RARB: variants seen among roughly 807,000 people sequenced by gnomAD.
The protein encoded by RARB is retinoic acid receptor beta.
RARB carries 17 observed loss-of-function variants against 51.9 expected under a neutral mutation model. That is an observed-to-expected ratio of 0.33 (90% CI 0.22 to 0.49). The LOEUF (loss-of-function observed/expected upper bound fraction) is 0.49. Ranked by LOEUF, RARB falls within the 20% of genes least tolerant of loss-of-function variation. RARB has a pLI of 0.99. For synonymous variants in RARB, 215 were observed against 195.4 expected (o/e 1.10, Z -0.84); for missense variants, 369 against 550.8 (o/e 0.67, Z 3.30).
At chr3:25,236,901 A>G (rs1702314130) in intron 5 of RARB, among the ~76,000 whole-genome samples, 1 of 140,128 alleles carries the variant, frequency 7.1e-6, no homozygotes, top group Non-Finnish European at 1.6e-5. Context: ...TATAATATTT[A>G]TTTTAAACCC....
intron 5 of RARB, among the ~76,000 whole-genome samples, chr3:25,370,974 G>A (rs1706281191): frequency 6.6e-6 from 1 of 152,054 alleles, no homozygotes. Context: ...TCTTCACATG[G>A]CCCTCTTATC....
intron 1 of RARB, among the ~76,000 whole-genome samples, chr3:25,453,257 T>C (rs950104966): frequency 1.3e-5 from 2 of 148,344 alleles, no homozygotes; most frequent in Admixed American, 6.7e-5. Flanking sequence ...TTTTTTTTTT[T>C]TTTTTTTTTG....
At chr3:25,500,246 T>C (rs1697226968) in intron 2 of RARB, among the ~76,000 whole-genome samples, 1 of 152,182 alleles carries the variant, frequency 6.6e-6, no homozygotes. Context: ...CTCATGTGAC[T>C]AATAGCTACC....
chr3:25,345,852 A>G, intron 5 of RARB: 1 of 901,192 alleles, frequency 1.1e-6, no homozygotes, highest in Middle Eastern at 5.7e-4. Context: ...CACCTCCAAA[A>G]TTCATTTCTT....
At chr3:25,026,968 A>G (rs1604004) in intron 2 of RARB, among the ~76,000 whole-genome samples, 102,521 of 151,692 alleles carry the variant, frequency 0.68, 34,933 homozygotes, top group East Asian at 0.87. Flanking sequence ...CATATCATTT[A>G]TTGTAAGTTT....
intron 5 of RARB, among the ~76,000 whole-genome samples, chr3:25,584,268 C>G (rs781465036): frequency 6.6e-6 from 1 of 152,106 alleles, no homozygotes; most frequent in Non-Finnish European, 1.5e-5. Context: ...AGCTAAAACC[C>G]CAGCCCTCAT....
chr3:25,350,968 A>T (rs1260876691), intron 5 of RARB, among the ~76,000 whole-genome samples: 1 of 152,208 alleles, frequency 6.6e-6, no homozygotes, highest in East Asian at 1.9e-4. Flanking sequence ...TAGAGCCTCC[A>T]GTTCCTTTAT....
rs373847882 is a variant in RARB at position 24,832,094 on chromosome 3, G to A, written c.-459+2691G>A. On this transcript the variant is annotated intron_variant, in intron 1 of 11. Coordinates refer to the RARB transcript ENST00000383772. The stretch of plus-strand genomic sequence containing the variant: ...TTGTTTTAACCTTAGGGACATTTGT[G>A]AAAACTTCTTTACTCATATGATAAA... Among the ~76,000 whole-genome samples the A allele has an allele frequency of 2.0e-4, 30 of 152,170 alleles. No homozygotes were observed. In the South Asian group the frequency reaches 6.2e-3, roughly 32 times the overall value.
At chr3:25,513,920 T>C (rs904029193) in intron 3 of RARB, among the ~76,000 whole-genome samples, 1 of 152,194 alleles carries the variant, frequency 6.6e-6, no homozygotes, top group Non-Finnish European at 1.5e-5. Context: ...TCTTGAGCTA[T>C]TTTTTATTCT....
chr3:25,488,618 C>T (rs781128794), intron 2 of RARB, among the ~76,000 whole-genome samples: 5 of 152,172 alleles, frequency 3.3e-5, no homozygotes, highest in Non-Finnish European at 7.3e-5. Context: ...GACCACCATC[C>T]GTTAACAAGC....
At chr3:25,325,215 T>C (rs1264272877) in intron 5 of RARB, among the ~76,000 whole-genome samples, 1 of 152,182 alleles carries the variant, frequency 6.6e-6, no homozygotes, top group Non-Finnish European at 1.5e-5. Context: ...CCATGGCATT[T>C]GTAAATTATC....
At chr3:25,052,486 G>T (rs1172452629) in intron 2 of RARB, among the ~76,000 whole-genome samples, 3 of 152,070 alleles carry the variant, frequency 2.0e-5, no homozygotes, top group Non-Finnish European at 2.9e-5. Context: ...ACTAAAAATT[G>T]TTTTTTCTTC....
chr3:25,262,657 C>T (rs986991916), intron 5 of RARB, among the ~76,000 whole-genome samples: 2 of 152,182 alleles, frequency 1.3e-5, no homozygotes, highest in Non-Finnish European at 2.9e-5. Flanking sequence ...GTTCTGCTTT[C>T]CTCTTTCACT....
intron 3 of RARB, among the ~76,000 whole-genome samples, chr3:25,117,089 G>T (rs1699700898): frequency 6.6e-6 from 1 of 152,138 alleles, no homozygotes; most frequent in African/African-American, 2.4e-5. Context: ...CAACGAACCA[G>T]TGTTTTTTGA....
intron 2 of RARB, among the ~76,000 whole-genome samples, chr3:24,969,281 C>A (rs1175179571): frequency 2.0e-5 from 3 of 151,972 alleles, no homozygotes; most frequent in Non-Finnish European, 4.4e-5. Context: ...TTATGAAAAC[C>A]AGCAAAAAGC....
At chr3:24,855,193 GT>G (rs1702615854) in intron 1 of RARB, among the ~76,000 whole-genome samples, 1 of 152,110 alleles carries the variant, frequency 6.6e-6, no homozygotes, top group African/African-American at 2.4e-5. Context: ...AAATAATGTG[GT>G]CATAGAAGGT....
chr3:24,879,736 T>A (rs1202013469), intron 2 of RARB, among the ~76,000 whole-genome samples: 1 of 152,200 alleles, frequency 6.6e-6, no homozygotes, highest in Non-Finnish European at 1.5e-5. Flanking sequence ...ACTTAAATAC[T>A]GTAAACCTGT....
At chr3:25,473,061 C>A (rs961861574) in intron 2 of RARB, among the ~76,000 whole-genome samples, 1 of 152,194 alleles carries the variant, frequency 6.6e-6, no homozygotes, top group Non-Finnish European at 1.5e-5. Context: ...GTCATACCAG[C>A]ACAACGCAAT....
rs1248468594 is a variant in RARB, at chr3:25,580,673, C to G, written c.737C>G (p.Thr246Ser). 3 of 1,611,734 alleles carry G rather than the reference C, an allele frequency of 1.9e-6. No individual in the cohort carries two copies. The highest frequency in any genetic ancestry group is 1.7e-6 in the Non-Finnish European group (2 of 1,178,194). ...CGTCTGCCTGGTTTCACTGGCTTGACCATCGCAGACCAAATTACCCTGCTG... is the reference window on the plus strand; with the variant it reads ...CGTCTGCCTGGTTTCACTGGCTTGAGCATCGCAGACCAAATTACCCTGCTG... Reference protein sequence around the residue: ...AKRLPGFTGLTIADQITLLKA... With the variant: ...AKRLPGFTGLSIADQITLLKA... The change falls in exon 5 of 8, where the codon ACC (threonine) becomes AGC (serine). Residue 246 changes from threonine (T) to serine (S), a missense_variant. Physicochemically the swap from Thr to Ser is moderately conservative, Grantham distance 58 (BLOSUM62 1). Around this residue, in one of 9 missense-constraint regions of RARB, gnomAD observed 49 missense variants for 103.4 expected, o/e 0.47. Transcript: ENST00000330688.
Sources: allele counts gnomAD v4.1 joint callset (sites outside exome capture counted in the v4.1 genomes callset), GRCh38; gene constraint gnomAD v4.1.1; regional missense constraint gnomAD v4.1.1; transcripts MANE v1.5; gene names NCBI Gene and HGNC (gene_info 2026-07-23, HGNC 2026-07-21).